MYBL2: variants seen among roughly 807,000 people sequenced by gnomAD.
The protein encoded by MYBL2 is myb-related protein B.
In MYBL2, 28 loss-of-function variants were observed where a neutral mutation model predicts 79.9. That is an observed-to-expected ratio of 0.35 (90% CI 0.26 to 0.48). The LOEUF is 0.48. Ranked by LOEUF, MYBL2 falls within the 20% of genes least tolerant of loss-of-function variation. The probability of loss-of-function intolerance (pLI) is 0.99; values close to 1 mark genes in which losing one functional copy is unlikely to be tolerated. For missense variants in MYBL2, 735 were observed against 893.9 expected, an observed-to-expected ratio of 0.82 and a Z score of 2.27; for synonymous variants, 378 against 361.2, an observed-to-expected ratio of 1.05 and a Z score of -0.53.
At chr20:43,685,937 T>G (rs922306644) in intron 4 of MYBL2, among the ~76,000 whole-genome samples, 1 of 152,086 alleles carries the variant, frequency 6.6e-6, no homozygotes, top group Non-Finnish European at 1.5e-5. Flanking sequence ...CTTGGGAGGC[T>G]GAGGCAGGAG....
intron 9 of MYBL2, among the ~76,000 whole-genome samples, chr20:43,709,014 G>A (rs1382862252): frequency 7.2e-5 from 11 of 152,208 alleles, no homozygotes; most frequent in African/African-American, 2.7e-4. Flanking sequence ...GAGGAAGGAA[G>A]AAAAGAATGG....
In MYBL2 at chr20:43,705,447, GA is replaced by G. The variant is rs1025443665; in HGVS notation, c.1505+90del. ...TTGGGACCACTGGTGGAACAGTGGG[GA>G]GGGGGCACCCTTGGAATAACACTGA... On this transcript the variant is annotated intron_variant, in intron 9 of 13. Coordinates refer to ENST00000217026, the MANE Select transcript of MYBL2 (RefSeq NM_002466.4). 4 of 1,418,104 alleles carry G rather than the reference GA, an allele frequency of 2.8e-6. No homozygotes were observed. The African/African-American group carries it at 5.8e-5, about 21-fold the overall frequency. 87.8% of individuals were successfully genotyped at this position (1,418,104 alleles called of 1,614,324 possible).
chr20:43,688,307 T>A (rs1304465422), intron 5 of MYBL2, among the ~76,000 whole-genome samples: 1 of 151,838 alleles, frequency 6.6e-6, no homozygotes, highest in Non-Finnish European at 1.5e-5. Context: ...GTTGAAACGA[T>A]TCTCCTGGTT....
intron 13 of MYBL2, among the ~76,000 whole-genome samples, chr20:43,715,704 C>G (rs1988016134): frequency 6.6e-6 from 1 of 152,164 alleles, no homozygotes; most frequent in African/African-American, 2.4e-5. Flanking sequence ...TGTGGCTTCT[C>G]CTCGAGGCTG....
Position 43,681,786 on chromosome 20 carries a change from C to A in MYBL2, c.117C>A (p.Asp39Glu). The change falls in exon 3 of 14, where the codon GAC (aspartate) becomes GAA (glutamate). Residue 39 changes from aspartate to glutamate, a missense_variant and splice_region_variant. Physicochemically the swap from Asp to Glu is conservative, Grantham distance 45 (BLOSUM62 2). Around this residue, in one of 5 missense-constraint regions of MYBL2, gnomAD observed 79 missense variants for 86.7 expected, o/e 0.91. Transcript: ENST00000217026. Reference protein sequence around the residue: ...KCKVKWTHEEDEQLRALVRQF... With the variant: ...KCKVKWTHEEEEQLRALVRQF... ...CCCTGTCTTTCTGGTGTTGGCAGGA[C>A]GAGCAGCTGAGGGCCCTGGTGAGGC... is the stretch of plus-strand genomic sequence containing the variant. 1 of 1,614,122 alleles carries A rather than the reference C, an allele frequency of 6.2e-7. No individual in the cohort carries two copies. The highest frequency in any genetic ancestry group is 8.5e-7 in the Non-Finnish European group (1 of 1,180,040).
intron 4 of MYBL2, among the ~76,000 whole-genome samples, chr20:43,685,093 G>A (rs1019705272): frequency 2.0e-5 from 3 of 150,494 alleles, no homozygotes; most frequent in African/African-American, 7.3e-5. Context: ...GTTGCAGTGA[G>A]CCGAGATGGC....
chr20:43,682,238 G>A (rs917355163), intron 3 of MYBL2, among the ~76,000 whole-genome samples: 1 of 152,186 alleles, frequency 6.6e-6, no homozygotes, highest in African/African-American at 2.4e-5. Flanking sequence ...TGCAGGGCTG[G>A]CAGGTGCTAC....
intron 2 of MYBL2, among the ~76,000 whole-genome samples, chr20:43,680,583 C>T (rs1011967959): frequency 5.9e-5 from 9 of 152,016 alleles, no homozygotes; most frequent in South Asian, 4.2e-4. Flanking sequence ...CTGCAACCTC[C>T]GCCTCCCAGG....
chr20:43,676,491 G>A (rs1284699180), intron 2 of MYBL2, among the ~76,000 whole-genome samples: 2 of 152,182 alleles, frequency 1.3e-5, no homozygotes, highest in African/African-American at 4.8e-5. Flanking sequence ...ATTGTGTTGG[G>A]TGATTCAGTA....
chr20:43,712,199 C>T (rs1271576249), intron 11 of MYBL2, among the ~76,000 whole-genome samples: 3 of 152,260 alleles, frequency 2.0e-5, no homozygotes, highest in East Asian at 1.9e-4. Flanking sequence ...CCTCCCACTG[C>T]GTCGTTAGCT....
chr20:43,714,851 G>A (rs1206733560), intron 12 of MYBL2, among the ~76,000 whole-genome samples: 8 of 152,148 alleles, frequency 5.3e-5, no homozygotes, highest in East Asian at 1.9e-4. Context: ...GGATGGTCTC[G>A]ATCTCTTGAC....
chr20:43,681,677 C>A (rs971685711), intron 2 of MYBL2, 107 bp from the exon 3 acceptor site: 2 of 1,152,582 alleles, frequency 1.7e-6, no homozygotes, highest in Non-Finnish European at 2.6e-6. Context: ...CACTTCATGA[C>A]GGAATGGATG....
rs757310041 is a variant in MYBL2 at position 43,716,126 on chromosome 20, G to A, written c.*39G>A. The A allele has an allele frequency of 6.3e-7, 1 of 1,598,254 alleles. No homozygotes were observed. The highest frequency in any genetic ancestry group is 8.5e-7 in the Non-Finnish European group (1 of 1,178,780). ...TCACGAGCCCATTCTCATGTTTACA[G>A]GGGTTGTGGGGGCAGAGGGGGTCTG... On this transcript the variant is annotated 3_prime_UTR_variant, in exon 14 of 14. Coordinates refer to ENST00000217026, the MANE Select transcript of MYBL2 (RefSeq NM_002466.4).
intron 2 of MYBL2, among the ~76,000 whole-genome samples, chr20:43,676,744 A>T (rs1171109978): frequency 6.6e-6 from 1 of 152,074 alleles, no homozygotes; most frequent in Non-Finnish European, 1.5e-5. Context: ...AATGGATTGT[A>T]CCATTTTAGA....
Position 43,667,313 on chromosome 20 carries a change from G to A in MYBL2, c.20+10G>A. ...CTCGGCGGACGCGCTGGTGAGACGA[G>A]CCGGGAGGGCTTGGGCCCCTCCCCC... On this transcript the variant is annotated intron_variant, in intron 1 of 13. Coordinates refer to ENST00000217026, the MANE Select transcript of MYBL2 (RefSeq NM_002466.4). The A allele has an allele frequency of 8.1e-7, 1 of 1,230,066 alleles. No individual in the cohort carries two copies. The allele number at this position is 1,230,066 out of a possible 1,614,324, so 76.2% of individuals were successfully genotyped here.
chr20:43,700,579 C>T (rs1317641152), intron 7 of MYBL2, among the ~76,000 whole-genome samples: 1 of 152,110 alleles, frequency 6.6e-6, no homozygotes, highest in Middle Eastern at 3.2e-3. Context: ...CGGCTCCTGG[C>T]TGCATCGGCC....
At chr20:43,687,872 C>T (rs910595977) in intron 5 of MYBL2, among the ~76,000 whole-genome samples, 6 of 151,672 alleles carry the variant, frequency 4.0e-5, no homozygotes, top group African/African-American at 1.5e-4. Flanking sequence ...AAAAAATTAG[C>T]GGGATGTGTT....
At chr20:43,688,010 C>CAAA (rs11086887) in intron 5 of MYBL2, among the ~76,000 whole-genome samples, 3 of 117,378 alleles carry the variant, frequency 2.6e-5, no homozygotes, top group Non-Finnish European at 3.4e-5. Flanking sequence ...AGACTGTCTC[C>CAAA]AAAAAAAAAA....
chr20:43,668,492 G>T (rs977116177), intron 1 of MYBL2, among the ~76,000 whole-genome samples: 5 of 151,980 alleles, frequency 3.3e-5, no homozygotes, highest in Admixed American at 1.3e-4. Flanking sequence ...GAGCCACCTT[G>T]CCCGGCCAAA....
Sources: gnomAD v4.1 joint callset for allele counts (sites outside exome capture counted in the v4.1 genomes callset) on GRCh38, gnomAD v4.1.1 for gene constraint, gnomAD v4.1.1 regional missense constraint, MANE v1.5 for transcripts, NCBI Gene and HGNC (gene_info 2026-07-23, HGNC 2026-07-21) for gene names.